Variants in TEX11 observed in about 807,000 individuals in gnomAD.
TEX11 encodes the protein testis-expressed protein 11.
A neutral mutation model predicts 84.4 loss-of-function variants in TEX11; 7 were observed. The observed-to-expected ratio is 0.08, with a 90% confidence interval of 0.05 to 0.16. TEX11 has a LOEUF of 0.16. Ranked by LOEUF, TEX11 falls within the 10% of genes least tolerant of loss-of-function variation. The pLI, the probability that TEX11 is intolerant of heterozygous loss-of-function variation, is 1.00. For synonymous variants in TEX11, 264 were observed against 222.8 expected (o/e 1.18, Z -1.64); for missense variants, 551 against 660.5 (o/e 0.83, Z 1.82).
intron 9 of TEX11, among the ~76,000 whole-genome samples, chrX:70,754,982 TG>T (rs905352573): frequency 8.9e-6 from 1 of 111,863 alleles, no homozygotes; most frequent in Non-Finnish European, 1.9e-5. Context: ...CTTCTGAACA[TG>T]GGGAAAGCCT....
intron 4 of TEX11, among the ~76,000 whole-genome samples, chrX:70,866,268 C>G (rs897438545): frequency 1.8e-5 from 2 of 111,057 alleles, no homozygotes; most frequent in Admixed American, 1.9e-4. Context: ...CACCTATACA[C>G]AAATAAACTA....
chrX:70,788,969 TATATAGAGAGAGAGAGAGAGAG>T (rs1264684378), intron 9 of TEX11, among the ~76,000 whole-genome samples: 84 of 24,928 alleles, frequency 3.4e-3, no homozygotes, highest in Non-Finnish European at 4.1e-3. Flanking sequence ...TATATATATA[TATATAGAGAGAGAGAGAGAGAG>T]AGAGAGAGAG....
At chrX:70,900,395 A>AGGAG (rs376406004) in intron 2 of TEX11, among the ~76,000 whole-genome samples, 1 of 60,074 alleles carries the variant, frequency 1.7e-5, no homozygotes, top group Non-Finnish European at 3.2e-5. Context: ...AAAAAAAAAA[A>AGGAG]AAGAAGAAGA....
chrX:70,767,115 G>C (rs1047046559), intron 9 of TEX11, among the ~76,000 whole-genome samples: 1 of 111,495 alleles, frequency 9.0e-6, no homozygotes, highest in Non-Finnish European at 1.9e-5. Context: ...ATGGACAACT[G>C]GGATCACATC....
chrX:70,749,626 CA>C (rs2090797762), intron 9 of TEX11, among the ~76,000 whole-genome samples: 1 of 101,114 alleles, frequency 9.9e-6, no homozygotes, highest in African/African-American at 3.6e-5. Context: ...GAGTTTTTAG[CA>C]TGAAGGGTTG....
At chrX:70,725,182 G>T (rs1171261116) in intron 12 of TEX11, 80 bp downstream of exon 12, 14 of 618,212 alleles carry the variant, frequency 2.3e-5, no homozygotes, top group Non-Finnish European at 3.4e-5. Context: ...CCTATTGTTA[G>T]TATACTACAA....
intron 2 of TEX11, among the ~76,000 whole-genome samples, chrX:70,894,404 G>A (rs1421088858): frequency 9.0e-6 from 1 of 110,569 alleles, no homozygotes; most frequent in African/African-American, 3.3e-5. Flanking sequence ...AAGGCAAGCA[G>A]ATCATGAGGT....
intron 9 of TEX11, among the ~76,000 whole-genome samples, chrX:70,766,378 C>T (rs892072940): frequency 2.8e-5 from 3 of 108,618 alleles, no homozygotes; most frequent in Non-Finnish European, 3.8e-5. Context: ...CGCCACTACA[C>T]TCCAGCCTGG....
chrX:70,532,802 G>A (rs984468267), intron 28 of TEX11, among the ~76,000 whole-genome samples: 4 of 111,269 alleles, frequency 3.6e-5, no homozygotes, highest in Non-Finnish European at 7.5e-5. Context: ...ACTTTGGGAG[G>A]CCGAGGCAGG....
chrX:70,858,243 T>C (rs761620801), intron 5 of TEX11, among the ~76,000 whole-genome samples: 102 of 106,212 alleles, frequency 9.6e-4, no homozygotes, highest in African/African-American at 3.3e-3. Flanking sequence ...AGGTCAGGAG[T>C]TCAAGACCAG....
chrX:70,557,245 G>T (rs911639284), intron 25 of TEX11, among the ~76,000 whole-genome samples: 8 of 108,269 alleles, frequency 7.4e-5, no homozygotes, highest in Non-Finnish European at 1.5e-4. Flanking sequence ...AAGGCAGGTG[G>T]ATCACTTGAG....
At chrX:70,832,294 A>G (rs1391593864) in intron 8 of TEX11, among the ~76,000 whole-genome samples, 2 of 112,041 alleles carry the variant, frequency 1.8e-5, no homozygotes, top group African/African-American at 3.2e-5. Context: ...GGTGTTCCAG[A>G]TTTCCAGATT....
intron 20 of TEX11, among the ~76,000 whole-genome samples, chrX:70,615,613 G>C (rs929884020): frequency 6.3e-5 from 7 of 111,974 alleles, no homozygotes; most frequent in African/African-American, 2.3e-4. Context: ...TGGGTAGAAA[G>C]TTTCTTAAAG....
At chrX:70,654,354 TATTATTTAG>T (rs1275580586) in intron 16 of TEX11, among the ~76,000 whole-genome samples, 1 of 111,166 alleles carries the variant, frequency 9.0e-6, no homozygotes, top group Non-Finnish European at 1.9e-5. Context: ...AAGTAAAGTC[TATTATTTAG>T]AAACATTGAT....
At position 70,746,887 on chromosome X, in the gene TEX11, CG is replaced by C. The variant is rs199813657; in HGVS notation, c.693-2669del. On this transcript the variant is annotated intron_variant, in intron 9 of 29. Transcript: ENST00000374333. ...CCATGTGCCATTCTGCACCCACTCACGCACAATCAGAGAAAGTGTTGGGGCA... is the reference window on the plus strand; with the variant it reads ...CCATGTGCCATTCTGCACCCACTCACCACAATCAGAGAAAGTGTTGGGGCA... Among the ~76,000 whole-genome samples, 892 of 112,212 alleles carry C rather than the reference CG, an allele frequency of 7.9e-3. 6 individuals carry two copies. Among genetic ancestry groups the C allele is most frequent in the Non-Finnish European group, 0.013 (713 of 53,193 alleles).
intron 13 of TEX11, among the ~76,000 whole-genome samples, chrX:70,699,735 GTCA>G (rs758637956): frequency 2.9e-4 from 32 of 110,116 alleles, no homozygotes; most frequent in African/African-American, 5.9e-4. Flanking sequence ...TCTGTTTATG[GTCA>G]TCATCATCAT....
chrX:70,816,427 T>C (rs1019659438), intron 8 of TEX11, among the ~76,000 whole-genome samples: 5 of 111,992 alleles, frequency 4.5e-5, no homozygotes, highest in Admixed American at 9.5e-5. Flanking sequence ...GCAATCAGTC[T>C]AGTATAAGAA....
At chrX:70,707,460 C>T (rs2090386491) in intron 13 of TEX11, among the ~76,000 whole-genome samples, 1 of 110,448 alleles carries the variant, frequency 9.1e-6, no homozygotes, top group Non-Finnish European at 1.9e-5. Flanking sequence ...CTAGTAATTC[C>T]TACTCCTTCA....
chrX:70,801,625 TTTTCTTTCTTTCTTTCTTTCTTTCTTTC>T (rs200925505), intron 9 of TEX11, among the ~76,000 whole-genome samples: 6,218 of 88,700 alleles, frequency 0.07, 396 homozygotes, highest in Admixed American at 0.29. Context: ...TTTTCTTTTA[TTTTCTTTCTTTCTTTCTTTCTTTCTTTC>T]TTTCTTTCTT....
Sources: gnomAD v4.1 joint callset for allele counts (sites outside exome capture counted in the v4.1 genomes callset) on GRCh38, gnomAD v4.1.1 for gene constraint, MANE v1.5 for transcripts, NCBI Gene and HGNC (gene_info 2026-07-23, HGNC 2026-07-21) for gene names.